The following ZNF57 variants were observed in gnomAD, a reference collection of about 807,000 sequenced individuals.
The protein encoded by ZNF57 is zinc finger protein 424.
A neutral mutation model predicts 13.4 loss-of-function variants in ZNF57; 11 were observed. That is an observed-to-expected ratio of 0.82 (90% CI 0.52 to 1.36). The LOEUF (loss-of-function observed/expected upper bound fraction) is 1.36, where lower values mean the gene tolerates loss of function less well. ZNF57 is among the 40% of genes most tolerant of loss of function. ZNF57 has a pLI of 0.00. For synonymous variants in ZNF57, 224 were observed against 238.5 expected (o/e 0.94, Z 0.56); for missense variants, 696 against 667.5 (o/e 1.04, Z -0.47).
chr19:2,905,536 G>A (rs553184219), intron 1 of ZNF57, among the ~76,000 whole-genome samples: 10 of 150,842 alleles, frequency 6.6e-5, no homozygotes, highest in East Asian at 5.9e-4. Context: ...CGGCGGAGGC[G>A]GGCGGATCAC....
At position 2,917,373 on chromosome 19, in the gene ZNF57, C is replaced by T; in HGVS notation, c.752C>T (p.Pro251Leu). The T allele has an allele frequency of 6.2e-7, 1 of 1,614,178 alleles. No homozygotes were observed. The highest frequency in any genetic ancestry group is 8.5e-7 in the Non-Finnish European group (1 of 1,180,040). The change falls in exon 4 of 4, where the codon CCA becomes CTA. Residue 251 changes from proline to leucine, a missense_variant. Around this residue, in one of 3 missense-constraint regions of ZNF57, gnomAD observed 645 missense variants for 591.5 expected, o/e 1.09. Coordinates refer to ENST00000306908, the MANE Select transcript of ZNF57 (RefSeq NM_173480.3). ...RHVRTHTKDR[P>L]YKCQECGRAF... The stretch of plus-strand genomic sequence containing the variant: ...GTGAGAACTCACACAAAAGACAGGC[C>T]ATATAAATGTCAGGAATGTGGGAGA...
rs1438619151 is a variant in ZNF57 at position 2,909,462 on chromosome 19, A to T, written c.4-6060A>T. 3.8e-5 allele frequency among the ~76,000 whole-genome samples: 2 copies of T among 52,008 alleles called. 1 individual carries two copies. Among genetic ancestry groups the T allele is most frequent in the African/African-American group, 9.6e-5 (2 of 20,760 alleles). The allele number at this position is 52,008 out of a possible 152,430, so 34.1% of individuals were successfully genotyped here. A position where few individuals can be genotyped will look rare whatever the true frequency, so the allele number is the denominator to read the frequency against. On this transcript the variant is annotated intron_variant, in intron 1 of 3. Transcript: ENST00000306908. ...CGCCCGGCTAATTTTTTGTATTTTT[A>T]GTAGAGACGGGGTTTCACCATGTTA...
chr19:2,910,907 C>T (rs1327667158), intron 1 of ZNF57, among the ~76,000 whole-genome samples: 2 of 151,652 alleles, frequency 1.3e-5, no homozygotes, highest in African/African-American at 4.8e-5. Flanking sequence ...TTACTGTTTT[C>T]TGTTTTTGTT....
rs142219630 is a variant in ZNF57, at chr19:2,905,809, A to T, written c.3+4761A>T. On this transcript the variant is annotated intron_variant, in intron 1 of 3. Transcript: ENST00000306908. Reference sequence around the variant, plus strand: ...TTGTCCCTCTACCTTGTTCTGTAGGAAACCTGATTGTTCTTAGACATTTGC... The same window carrying T: ...TTGTCCCTCTACCTTGTTCTGTAGGTAACCTGATTGTTCTTAGACATTTGC... 1.9e-3 allele frequency among the ~76,000 whole-genome samples: 282 copies of T among 151,410 alleles called. 1 individual carries two copies. Among genetic ancestry groups the T allele is most frequent in the African/African-American group, 6.6e-3 (272 of 41,342 alleles).
chr19:2,916,130 C>T lies in ZNF57; in HGVS notation c.183C>T (p.Tyr61=), dbSNP rs368705422. The change falls in exon 3 of 4, where the codon TAC becomes TAT. Residue 61 remains tyrosine, a synonymous_variant. Coordinates refer to ENST00000306908, the MANE Select transcript of ZNF57 (RefSeq NM_173480.3). ...ANGSVSLQDM[Y]GQEKSKEQTI... is the part of the protein sequence containing the mutation. ...GGTCAGTTTCTCTGCAGGATATGTACGGGCAAGAAAAATCTAAGGAACAGA... is the reference window on the plus strand; with the variant it reads ...GGTCAGTTTCTCTGCAGGATATGTATGGGCAAGAAAAATCTAAGGAACAGA... 125 of 1,613,506 alleles carry T rather than the reference C, an allele frequency of 7.7e-5. No individual in the cohort carries two copies. The highest frequency in any genetic ancestry group is 9.6e-5 in the Non-Finnish European group (113 of 1,179,914).
At position 2,918,147 on chromosome 19, in the gene ZNF57, G is replaced by C; in HGVS notation, c.1526G>C (p.Cys509Ser). 3 of 1,614,186 alleles carry C rather than the reference G, an allele frequency of 1.9e-6. No homozygotes were observed. Among genetic ancestry groups the C allele is most frequent in the African/African-American group, 1.3e-5 (1 of 75,038 alleles). Reference sequence around the variant, plus strand: ...GAGAAACCTCACAAATGTAAACAATGTGGGATGTCCTTCAAGTGGCACTCC... The same window carrying C: ...GAGAAACCTCACAAATGTAAACAATCTGGGATGTCCTTCAAGTGGCACTCC... Reference protein sequence around the residue: ...TGEKPHKCKQCGMSFKWHSSF... With the variant: ...TGEKPHKCKQSGMSFKWHSSF... The change falls in exon 4 of 4, where the codon TGT (cysteine) becomes TCT (serine). Residue 509 changes from cysteine to serine, a missense_variant. Cys to Ser is a moderately radical substitution (Grantham distance 112). This residue lies in a region of ZNF57 where 645 missense variants were observed against 591.5 expected (regional missense o/e 1.09). Transcript: ENST00000306908.
intron 1 of ZNF57, among the ~76,000 whole-genome samples, chr19:2,905,540 G>A (rs1023191895): frequency 1.3e-5 from 2 of 150,828 alleles, no homozygotes; most frequent in East Asian, 1.9e-4. Flanking sequence ...GGAGGCGGGC[G>A]GATCACGAGG....
chr19:2,901,526 T>TTA (rs1436798538), intron 1 of ZNF57, among the ~76,000 whole-genome samples: 3 of 4,628 alleles, frequency 6.5e-4, no homozygotes, highest in Non-Finnish European at 2.6e-3. Context: ...TATTTTTTTA[T>TTA]TTTTTTTATT....
At chr19:2,903,937 G>C (rs1399110691) in intron 1 of ZNF57, among the ~76,000 whole-genome samples, 1 of 151,826 alleles carries the variant, frequency 6.6e-6, no homozygotes, top group Non-Finnish European at 1.5e-5. Flanking sequence ...GGATGGTCTT[G>C]ATCTCCTGAC....
rs770581434 is a variant in ZNF57, at chr19:2,917,014, G to T, written c.393G>T (p.Lys131Asn). ...IHQMPDLTLH[K>N]KVSAGEKPYE... The stretch of plus-strand genomic sequence containing the variant: ...AAATGCCAGATCTTACCCTGCACAA[G>T]AAAGTTTCTGCTGGAGAAAAACCAT... Residue 131 changes from lysine to asparagine, a missense_variant, in exon 4 of 4, where the codon AAG becomes AAT. This residue lies in a region of ZNF57 where 645 missense variants were observed against 591.5 expected (regional missense o/e 1.09). Coordinates refer to ENST00000306908, the MANE Select transcript of ZNF57 (RefSeq NM_173480.3). 1.2e-6 allele frequency: 2 copies of T among 1,614,148 alleles called. No homozygotes were observed. The highest frequency in any genetic ancestry group is 1.7e-6 in the Non-Finnish European group (2 of 1,180,016).
At chr19:2,915,402 C>T (rs567569135) in intron 1 of ZNF57, 120 bp from the exon 2 acceptor site, 9 of 1,312,936 alleles carry the variant, frequency 6.9e-6, no homozygotes, top group Admixed American at 2.3e-5. Flanking sequence ...ATCTAACATT[C>T]GCGTCATAGA....
chr19:2,907,509 G>C (rs552893263), intron 1 of ZNF57, among the ~76,000 whole-genome samples: 1 of 152,140 alleles, frequency 6.6e-6, no homozygotes, highest in African/African-American at 2.4e-5. Context: ...CACTTCAGTA[G>C]GATTTTCATT....
Position 2,917,149 on chromosome 19 carries a change from C to A in ZNF57, c.528C>A (p.Ala176=). 6.2e-7 allele frequency: 1 copy of A among 1,614,160 alleles called. No individual in the cohort carries two copies. The highest frequency in any genetic ancestry group is 8.5e-7 in the Non-Finnish European group (1 of 1,180,000). ...CTCCAGGTGAGGAATGTAAGCAGGC[C>A]TGCATTTGTCCCTCACACCTACACA... ...KAPPGEECKQ[A]CICPSHLHSH... The change falls in exon 4 of 4, where the codon GCC becomes GCA. Residue 176 remains alanine, a synonymous_variant. Coordinates refer to ENST00000306908, the MANE Select transcript of ZNF57 (RefSeq NM_173480.3).
intron 1 of ZNF57, among the ~76,000 whole-genome samples, chr19:2,903,957 C>T (rs1037200597): frequency 2.0e-5 from 3 of 152,106 alleles, no homozygotes; most frequent in South Asian, 4.1e-4. Context: ...CCTGGTGTTC[C>T]GCTCGCCTCA....
rs2088220336 is a variant in ZNF57, at chr19:2,917,616, G to A, written c.995G>A (p.Gly332Glu). 3 of 1,613,360 alleles carry A rather than the reference G, an allele frequency of 1.9e-6. No individual in the cohort carries two copies. The highest frequency in any genetic ancestry group is 1.7e-5 in the Admixed American group (1 of 59,874). ...TLRVHMRIHTGDKLYKCEHCG... is the reference protein window; with the variant it reads ...TLRVHMRIHTEDKLYKCEHCG... ...CGAGTCCACATGAGGATCCACACTG[G>A]GGACAAACTCTATAAATGTGAACAC... Residue 332 changes from glycine to glutamate, a missense_variant, in exon 4 of 4, where the codon GGG (glycine) becomes GAG (glutamate). Gly to Glu is a moderately conservative substitution (Grantham distance 98, BLOSUM62 -2). Transcript: ENST00000306908.
At chr19:2,902,385 T>C (rs1277731946) in intron 1 of ZNF57, among the ~76,000 whole-genome samples, 2 of 152,132 alleles carry the variant, frequency 1.3e-5, no homozygotes, top group Non-Finnish European at 2.9e-5. Context: ...AAGTGTGTTT[T>C]CTGCCTTCTG....
In ZNF57 at chr19:2,900,995, G is replaced by A; in HGVS notation, c.-51G>A. 6.4e-7 allele frequency: 1 copy of A among 1,551,024 alleles called. No homozygotes were observed. The highest frequency in any genetic ancestry group is 8.7e-7 in the Non-Finnish European group (1 of 1,146,582). ...GTACCTGTACCTTTCAGCTGCGCCG[G>A]CCGCGAGGCCACGGAGAGCTCGCCT... On this transcript the variant is annotated 5_prime_UTR_variant, in exon 1 of 4. Transcript: ENST00000306908.
chr19:2,917,975 C>T lies in ZNF57; in HGVS notation c.1354C>T (p.His452Tyr). The T allele has an allele frequency of 6.2e-7, 1 of 1,613,764 alleles. No individual in the cohort carries two copies. The highest frequency in any genetic ancestry group is 2.2e-5 in the East Asian group (1 of 44,862). The change falls in exon 4 of 4, where the codon CAC (histidine) becomes TAC (tyrosine). Residue 452 changes from histidine (H) to tyrosine (Y), a missense_variant. Around this residue, in one of 3 missense-constraint regions of ZNF57, gnomAD observed 645 missense variants for 591.5 expected, o/e 1.09. Coordinates refer to ENST00000306908, the MANE Select transcript of ZNF57 (RefSeq NM_173480.3). ...GCAAGAGCAGCTCCATAAATGTGAACACTGTGGGAAGGCCTTTACCTCTTC... is the reference window on the plus strand; with the variant it reads ...GCAAGAGCAGCTCCATAAATGTGAATACTGTGGGAAGGCCTTTACCTCTTC... The part of the protein sequence containing the change: ...HTQEQLHKCE[H>Y]CGKAFTSSRA...
chr19:2,905,147 C>T (rs981896243), intron 1 of ZNF57, among the ~76,000 whole-genome samples: 19 of 152,036 alleles, frequency 1.2e-4, no homozygotes, highest in African/African-American at 3.6e-4. Flanking sequence ...TCCATCCTGA[C>T]GATACCATCC....
Sources: gnomAD v4.1 joint callset for allele counts (sites outside exome capture counted in the v4.1 genomes callset) on GRCh38, gnomAD v4.1.1 for gene constraint, gnomAD v4.1.1 regional missense constraint, MANE v1.5 for transcripts, NCBI Gene and HGNC (gene_info 2026-07-23, HGNC 2026-07-21) for gene names.